JAKMIP3: variants seen among roughly 807,000 people sequenced by gnomAD.
JAKMIP3 encodes the protein janus kinase and microtubule-interacting protein 3.
JAKMIP3 carries 58 observed loss-of-function variants against 118.5 expected under a neutral mutation model. That is an observed-to-expected ratio of 0.49 (90% CI 0.40 to 0.61). The LOEUF is 0.61. JAKMIP3 is among the 20% of genes least tolerant of loss of function. The pLI is 0.00. For synonymous variants in JAKMIP3, 486 were observed against 451.2 expected, an observed-to-expected ratio of 1.08 and a Z score of -0.98; for missense variants, 950 against 1,109.0, an observed-to-expected ratio of 0.86 and a Z score of 2.04.
chr10:132,173,675 A>T (rs1250450308), intron 23 of JAKMIP3, among the ~76,000 whole-genome samples: 2 of 151,840 alleles, frequency 1.3e-5, no homozygotes, highest in Non-Finnish European at 2.9e-5. Context: ...TGACTATGGT[A>T]TGCTTGTGGT....
At chr10:132,138,376 G>A (rs60533676) in intron 9 of JAKMIP3, among the ~76,000 whole-genome samples, 198 bp downstream of exon 9, 2 of 146,850 alleles carry the variant, frequency 1.4e-5, no homozygotes, top group African/African-American at 2.7e-5. Flanking sequence ...GACCGCGCCC[G>A]CGTGTGTGGA....
intron 23 of JAKMIP3, among the ~76,000 whole-genome samples, chr10:132,176,217 G>T (rs549977918): frequency 6.6e-6 from 1 of 152,238 alleles, no homozygotes; most frequent in African/African-American, 2.4e-5. Flanking sequence ...GGGCTCAGCC[G>T]TGTGTTTGTC....
chr10:132,169,348 C>T (rs1353001164), intron 23 of JAKMIP3, among the ~76,000 whole-genome samples: 2 of 152,198 alleles, frequency 1.3e-5, no homozygotes, highest in Non-Finnish European at 2.9e-5. Flanking sequence ...CCCGTAGGTG[C>T]AATGAGGCCG....
intron 1 of JAKMIP3, among the ~76,000 whole-genome samples, chr10:132,098,964 C>T (rs868621722): frequency 6.6e-6 from 1 of 152,174 alleles, no homozygotes; most frequent in Non-Finnish European, 1.5e-5. Context: ...TGTAGGTAAA[C>T]AATTTAGCCC....
intron 1 of JAKMIP3, among the ~76,000 whole-genome samples, chr10:132,101,935 A>T (rs1333801110): frequency 6.6e-6 from 1 of 151,886 alleles, no homozygotes; most frequent in East Asian, 1.9e-4. Flanking sequence ...GTCCCCAGGG[A>T]GGACTGTGGG....
At chr10:132,175,818 G>C (rs541382426) in intron 23 of JAKMIP3, among the ~76,000 whole-genome samples, 1 of 152,336 alleles carries the variant, frequency 6.6e-6, no homozygotes, top group African/African-American at 2.4e-5. Flanking sequence ...TGATGGAGCA[G>C]GAAGCTTCAC....
chr10:132,180,676 CGCGCGCGTGTGTGT>C (rs1229837964), intron 23 of JAKMIP3, among the ~76,000 whole-genome samples: 56 of 4,574 alleles, frequency 0.012, 21 homozygotes, highest in Non-Finnish European at 0.025. Flanking sequence ...CGTGTGTGTG[CGCGCGCGTGTGTGT>C]GCGTGCGTGT....
intron 10 of JAKMIP3, among the ~76,000 whole-genome samples, chr10:132,140,973 A>G (rs2053396656): frequency 6.6e-6 from 1 of 152,212 alleles, no homozygotes; most frequent in Non-Finnish European, 1.5e-5. Context: ...TGCCAAGAGC[A>G]CATTAGGGTG....
At chr10:132,097,857 CCCTTCCTT>C (rs10593432) in intron 1 of JAKMIP3, among the ~76,000 whole-genome samples, 62,245 of 112,360 alleles carry the variant, frequency 0.55, 18,125 homozygotes, top group East Asian at 0.64. Flanking sequence ...ACAGAGATTG[CCCTTCCTT>C]CCTTCCTTCC....
chr10:132,107,058 T>A (rs1440012253), intron 2 of JAKMIP3, among the ~76,000 whole-genome samples: 1 of 139,326 alleles, frequency 7.2e-6, no homozygotes, highest in Admixed American at 6.9e-5. Context: ...TATTTTTTTT[T>A]TTTTTTTTAA....
chr10:132,110,153 C>T (rs1051527998), intron 2 of JAKMIP3, among the ~76,000 whole-genome samples: 2 of 152,296 alleles, frequency 1.3e-5, no homozygotes, highest in African/African-American at 4.8e-5. Context: ...CAGAACAGAC[C>T]GACCCTGCCC....
intron 3 of JAKMIP3, among the ~76,000 whole-genome samples, chr10:132,132,823 C>G (rs1382054440): frequency 6.6e-6 from 1 of 152,184 alleles, no homozygotes; most frequent in East Asian, 1.9e-4. Context: ...GTAGCACTGG[C>G]TTTCAGGCCA....
intron 13 of JAKMIP3, among the ~76,000 whole-genome samples, chr10:132,146,146 C>A (rs1291297497): frequency 1.1e-4 from 16 of 143,128 alleles, no homozygotes; most frequent in Admixed American, 1.1e-3. Flanking sequence ...CCCCCACCCC[C>A]ACCCCCACCC....
intron 3 of JAKMIP3, among the ~76,000 whole-genome samples, chr10:132,122,824 G>A (rs538581626): frequency 1.7e-4 from 26 of 152,300 alleles, no homozygotes; most frequent in African/African-American, 4.6e-4. Flanking sequence ...GGTCAGGGAC[G>A]CCCTCTCCCT....
At chr10:132,065,434 G>A (rs889438466), upstream of JAKMIP3, among the ~76,000 whole-genome samples, 2 of 75,276 alleles carry the variant, frequency 2.7e-5, no homozygotes, top group African/African-American at 1.4e-4. The surrounding 1 kb of genome is among the most constrained non-coding windows in gnomAD (Gnocchi z 5.6). Flanking sequence ...CAGAGTGGAA[G>A]TTCGTTCCTA....
At chr10:132,102,079 A>C (rs1217186346) in intron 1 of JAKMIP3, among the ~76,000 whole-genome samples, 1 of 152,100 alleles carries the variant, frequency 6.6e-6, no homozygotes, top group Non-Finnish European at 1.5e-5. Flanking sequence ...GAGACAGCAA[A>C]GCACCTGCAG....
intron 4 of JAKMIP3, among the ~76,000 whole-genome samples, chr10:132,134,199 G>A (rs964602916): frequency 2.0e-5 from 3 of 152,142 alleles, no homozygotes; most frequent in African/African-American, 7.2e-5. Flanking sequence ...TGGTCCTTCT[G>A]GGTCTTTGAC....
intron 2 of JAKMIP3, among the ~76,000 whole-genome samples, chr10:132,111,192 C>T (rs2046807985): frequency 6.6e-6 from 1 of 152,210 alleles, no homozygotes; most frequent in African/African-American, 2.4e-5. Flanking sequence ...CGGCCTCCTG[C>T]CCCCACAGGA....
chr10:132,139,460 G>T (rs370293474), intron 9 of JAKMIP3, among the ~76,000 whole-genome samples: 1 of 150,732 alleles, frequency 6.6e-6, no homozygotes, highest in African/African-American at 2.4e-5. Flanking sequence ...ATATGTGTCT[G>T]CATGTGTGTA....
Sources: gnomAD v4.1 joint callset for allele counts (sites outside exome capture counted in the v4.1 genomes callset) on GRCh38, gnomAD v4.1.1 for gene constraint, Gnocchi (gnomAD v3.1) non-coding constraint, MANE v1.5 for transcripts, NCBI Gene and HGNC (gene_info 2026-07-23, HGNC 2026-07-21) for gene names.